Variants in USP3 observed in about 807,000 individuals in gnomAD.
The protein encoded by USP3 is ubiquitin carboxyl-terminal hydrolase 3.
Under a neutral mutation model 72.3 loss-of-function variants are expected in USP3, and 20 were observed. That is an observed-to-expected ratio of 0.28 (90% CI 0.19 to 0.40). The LOEUF (loss-of-function observed/expected upper bound fraction) is 0.40, where lower values mean the gene tolerates loss of function less well. Among genes scored for constraint, USP3 ranks in the 10% least tolerant of loss-of-function variants. The pLI is 1.00. For missense variants in USP3, 479 were observed against 633.9 expected, an observed-to-expected ratio of 0.76 and a Z score of 2.62; for synonymous variants, 222 against 225.3, an observed-to-expected ratio of 0.99 and a Z score of 0.13.
intron 3 of USP3, among the ~76,000 whole-genome samples, chr15:63,549,835 T>G (rs1347464653): frequency 6.6e-6 from 1 of 152,246 alleles, no homozygotes; most frequent in Non-Finnish European, 1.5e-5. Flanking sequence ...GCATTTCTTT[T>G]GTTTTGAGAA....
chr15:63,593,581 C>G lies in USP3; in HGVS notation c.*2755C>G, dbSNP rs1457641019. 6.6e-6 allele frequency: 1 copy of G among 152,228 alleles called. No homozygotes were observed. The highest frequency in any genetic ancestry group is 1.5e-5 in the Non-Finnish European group (1 of 68,046). 9.4% of individuals were successfully genotyped at this position (152,228 alleles called of 1,614,324 possible). A position where few individuals can be genotyped will look rare whatever the true frequency, so the allele number is the denominator to read the frequency against. On this transcript the variant is annotated 3_prime_UTR_variant, in exon 15 of 15. Transcript: ENST00000380324. The stretch of plus-strand genomic sequence containing the variant: ...TTGGCTTAAGAGATGAACACGTCTT[C>G]TCTCTGAATTTGTTTTTATTGGTTG...
intron 1 of USP3, among the ~76,000 whole-genome samples, chr15:63,512,331 C>A (rs1209625235): frequency 9.9e-6 from 1 of 101,228 alleles, no homozygotes; most frequent in Non-Finnish European, 2.2e-5. Context: ...TCTTCTTCCT[C>A]TTCCTCCTCT....
intron 11 of USP3, among the ~76,000 whole-genome samples, chr15:63,581,550 ATTTTTT>A (rs56376454): frequency 1.3e-4 from 14 of 107,478 alleles, no homozygotes; most frequent in Admixed American, 7.2e-4. Context: ...CACCCGGCTA[ATTTTTT>A]TTTTTTTTTT....
intron 5 of USP3, 139 bp downstream of exon 5, chr15:63,556,887 T>C (rs2066519158): frequency 1.5e-6 from 1 of 663,624 alleles, no homozygotes; most frequent in Admixed American, 2.9e-5. Context: ...TACACAATGT[T>C]TGCCACCTGT....
At chr15:63,557,668 C>T (rs1404266790) in intron 5 of USP3, among the ~76,000 whole-genome samples, 3 of 152,130 alleles carry the variant, frequency 2.0e-5, no homozygotes, top group Admixed American at 6.5e-5. Flanking sequence ...GTTAGGAAAA[C>T]GTGTATTGGT....
Position 63,570,744 on chromosome 15 carries a change from G to A in USP3, c.908+165G>A, listed in dbSNP as rs532709353. On this transcript the variant is annotated intron_variant, in intron 9 of 14. Coordinates refer to ENST00000380324, the MANE Select transcript of USP3 (RefSeq NM_006537.4). The surrounding 1 kb of genome is among the most constrained non-coding windows in gnomAD (Gnocchi z 4.4). ...CCCAGTGAACTAGCACATACCTCTT[G>A]CTTCTAGACCAGAGGCATCTTGTAT... Among the ~76,000 whole-genome samples, 127 of 152,244 alleles carry A rather than the reference G, an allele frequency of 8.3e-4. No individual in the cohort carries two copies. Among genetic ancestry groups the A allele is most frequent in the Non-Finnish European group, 2.9e-5 (2 of 68,004 alleles).
At position 63,581,343 on chromosome 15, in the gene USP3, TTTTGTGTGTGTGTGTGTG is replaced by T. The variant is rs1380036299; in HGVS notation, c.1096+6942_1097-6943del. ...TGTTTATATGTATGTTTGTGTTGGT[TTTTGTGTGTGTGTGTGTG>T]TGTGTGTGTGTGTGTGTGTGTGTGT... On this transcript the variant is annotated intron_variant, in intron 11 of 14. Transcript: ENST00000380324. 8.1e-4 allele frequency among the ~76,000 whole-genome samples: 107 copies of T among 132,490 alleles called. 1 individual carries two copies. Among genetic ancestry groups the T allele is most frequent in the African/African-American group, 2.9e-3 (104 of 35,308 alleles). The allele number at this position is 132,490 out of a possible 152,430, so 86.9% of individuals were successfully genotyped here.
rs2066576715 is a variant in USP3, at chr15:63,559,906, T to C, written c.583T>C (p.Leu195=). 1 of 1,613,962 alleles carries C rather than the reference T, an allele frequency of 6.2e-7. No homozygotes were observed. Among genetic ancestry groups the C allele is most frequent in the Non-Finnish European group, 8.5e-7 (1 of 1,179,936 alleles). The change falls in exon 7 of 15, where the codon TTA becomes CTA. Residue 195 remains leucine, a synonymous_variant. Coordinates refer to ENST00000380324, the MANE Select transcript of USP3 (RefSeq NM_006537.4). ...CYFKELPAVE[L]RNGKTAGRRT... ...TTTCAAAGAACTGCCCGCCGTGGAG[T>C]TAAGGAATGGGAAAACAGCAGGAAG...
chr15:63,507,024 A>C (rs1184354566), intron 1 of USP3, among the ~76,000 whole-genome samples: 1 of 152,170 alleles, frequency 6.6e-6, no homozygotes, highest in African/African-American at 2.4e-5. Context: ...TGAATCTGTG[A>C]GTCCTTAACT....
At chr15:63,533,532 T>C (rs1233961750) in intron 2 of USP3, among the ~76,000 whole-genome samples, 1 of 152,216 alleles carries the variant, frequency 6.6e-6, no homozygotes, top group Non-Finnish European at 1.5e-5. Context: ...GAATTTACTT[T>C]AGAAGTTAAT....
chr15:63,532,797 A>G, intron 2 of USP3, 90 bp downstream of exon 2: 2 of 1,372,678 alleles, frequency 1.5e-6, no homozygotes, highest in Admixed American at 3.5e-5. Context: ...ATTTGGATTT[A>G]GTACCATTGT....
At chr15:63,541,385 AAAG>A (rs1330329837) in intron 3 of USP3, among the ~76,000 whole-genome samples, 2 of 152,188 alleles carry the variant, frequency 1.3e-5, no homozygotes, top group African/African-American at 4.8e-5. Flanking sequence ...AAATTTTAAA[AAAG>A]GAAAATATTT....
chr15:63,562,249 G>A lies in USP3; in HGVS notation c.648-646G>A, dbSNP rs115850729. ...TTATATGCCCAGGAAAAAAATGAGC[G>A]TTCTATTCATATGCGAGAAGAGTGT... On this transcript the variant is annotated intron_variant, in intron 7 of 14. Transcript: ENST00000380324. Among the ~76,000 whole-genome samples, 18 of 152,280 alleles carry A rather than the reference G, an allele frequency of 1.2e-4. No homozygotes were observed. In the South Asian group the frequency reaches 1.5e-3, roughly 12 times the overall value.
At chr15:63,520,632 C>T (rs950159687) in intron 1 of USP3, among the ~76,000 whole-genome samples, 5 of 139,346 alleles carry the variant, frequency 3.6e-5, no homozygotes, top group Admixed American at 2.3e-4. Context: ...GATGCAATCT[C>T]GGCTCACTGC....
chr15:63,565,642 GTGTT>G lies in USP3; in HGVS notation c.761+2636_761+2639del, dbSNP rs538318267. ...TGCATATACAGACAAGTGTGTGTGT[GTGTT>G]TATGTCATTTTTAATGTAATTGGTG... is the stretch of plus-strand genomic sequence containing the variant. On this transcript the variant is annotated intron_variant, in intron 8 of 14. Transcript: ENST00000380324. 5.9e-5 allele frequency among the ~76,000 whole-genome samples: 9 copies of G among 152,210 alleles called. No homozygotes were observed. In the South Asian group the frequency reaches 1.9e-3, roughly 32 times the overall value.
chr15:63,509,955 A>C (rs752978341), intron 1 of USP3, among the ~76,000 whole-genome samples: 1 of 152,222 alleles, frequency 6.6e-6, no homozygotes, highest in Non-Finnish European at 1.5e-5. Flanking sequence ...TTCATGGTCT[A>C]AGCAGAAGAA....
At chr15:63,571,337 C>T (rs138418062) in intron 9 of USP3, among the ~76,000 whole-genome samples, 52 of 152,250 alleles carry the variant, frequency 3.4e-4, no homozygotes, top group Middle Eastern at 3.4e-3. Context: ...CATTGTATTG[C>T]CTGGCAGTCC....
Position 63,592,446 on chromosome 15 carries a change from C to T in USP3, c.*1620C>T, listed in dbSNP as rs576571527. 1.5e-5 allele frequency: 2 copies of T among 132,588 alleles called. No homozygotes were observed. The highest frequency in any genetic ancestry group is 5.2e-4 in the South Asian group (2 of 3,840). 8.2% of individuals were successfully genotyped at this position (132,588 alleles called of 1,614,324 possible). ...GTGTTAAGCCAACGAGACTTTCTGG[C>T]AATTTTTTTTTTTTTTTTTTAATGG... On this transcript the variant is annotated 3_prime_UTR_variant, in exon 15 of 15. Transcript: ENST00000380324.
chr15:63,571,438 A>G (rs1214954945), intron 9 of USP3, among the ~76,000 whole-genome samples: 2 of 152,232 alleles, frequency 1.3e-5, no homozygotes, highest in Non-Finnish European at 2.9e-5. Flanking sequence ...ACCAATGTGA[A>G]TTGCCATACT....
Sources: allele counts gnomAD v4.1 joint callset (sites outside exome capture counted in the v4.1 genomes callset), GRCh38; gene constraint gnomAD v4.1.1; non-coding constraint Gnocchi (gnomAD v3.1); transcripts MANE v1.5; gene names NCBI Gene and HGNC (gene_info 2026-07-23, HGNC 2026-07-21).